POU6F2: variants seen among roughly 807,000 people sequenced by gnomAD.
The protein encoded by POU6F2 is POU domain, class 6, transcription factor 2.
POU6F2 carries 31 observed loss-of-function variants against 71.3 expected under a neutral mutation model. The observed-to-expected ratio is 0.43, with a 90% CI of 0.33 to 0.59. The LOEUF (loss-of-function observed/expected upper bound fraction) is 0.59. POU6F2 is among the 20% of genes least tolerant of loss of function. The pLI, the probability that POU6F2 is intolerant of heterozygous loss-of-function variation, is 0.04. For missense variants in POU6F2, 783 were observed against 856.8 expected, an observed-to-expected ratio of 0.91 and a Z score of 1.07; for synonymous variants, 347 against 355.7, an observed-to-expected ratio of 0.98 and a Z score of 0.27.
chr7:39,299,328 T>C (rs1014779801), intron 4 of POU6F2, among the ~76,000 whole-genome samples: 2 of 152,216 alleles, frequency 1.3e-5, no homozygotes, highest in Non-Finnish European at 2.9e-5. Flanking sequence ...CAGACAGTCT[T>C]ATCTGTTGAC....
intron 4 of POU6F2, among the ~76,000 whole-genome samples, chr7:39,247,852 C>T (rs1279412104): frequency 6.6e-6 from 1 of 152,154 alleles, no homozygotes; most frequent in African/African-American, 2.4e-5. Flanking sequence ...AGGTAGGACC[C>T]CTGTCAGAGC....
chr7:39,280,855 C>T (rs1267539740), intron 4 of POU6F2, among the ~76,000 whole-genome samples: 2 of 152,192 alleles, frequency 1.3e-5, no homozygotes, highest in Non-Finnish European at 2.9e-5. Context: ...ATCATCAGAT[C>T]CTATATTTGC....
intron 1 of POU6F2, among the ~76,000 whole-genome samples, chr7:39,031,189 G>A (rs958720653): frequency 2.0e-5 from 3 of 151,862 alleles, no homozygotes; most frequent in Admixed American, 6.5e-5. Flanking sequence ...GTGAGCCACC[G>A]CGCCTGGCCA....
chr7:39,371,583 C>A (rs1436342221), intron 5 of POU6F2, among the ~76,000 whole-genome samples: 1 of 152,168 alleles, frequency 6.6e-6, no homozygotes, highest in Non-Finnish European at 1.5e-5. Flanking sequence ...CAGTCACTGG[C>A]TATTGATCAA....
At chr7:39,043,486 A>G (rs1450533144) in intron 1 of POU6F2, among the ~76,000 whole-genome samples, 1 of 152,004 alleles carries the variant, frequency 6.6e-6, no homozygotes, top group Non-Finnish European at 1.5e-5. Flanking sequence ...GTGCTGTTGC[A>G]GTAATGGGGC....
chr7:39,056,837 G>A (rs1373539631), intron 1 of POU6F2, among the ~76,000 whole-genome samples: 1 of 151,942 alleles, frequency 6.6e-6, no homozygotes, highest in Non-Finnish European at 1.5e-5. Flanking sequence ...GCACTTCCAG[G>A]TTGCTCACAA....
chr7:39,466,543 G>A lies in POU6F2; in HGVS notation c.*1857G>A, dbSNP rs1481589371. ...TAGAAGTAAGTTGTGAAAGAAAAAA[G>A]AGAAACCCAATCTCAAGTTGCCCAA... On this transcript the variant is annotated 3_prime_UTR_variant, in exon 10 of 10. Coordinates refer to ENST00000518318, the MANE Select transcript of POU6F2 (RefSeq NM_001370959.1). 6.6e-6 allele frequency: 1 copy of A among 152,216 alleles called. No homozygotes were observed. Among genetic ancestry groups the A allele is most frequent in the South Asian group, 2.1e-4 (1 of 4,834 alleles). 9.4% of individuals were successfully genotyped at this position (152,216 alleles called of 1,614,324 possible).
intron 2 of POU6F2, among the ~76,000 whole-genome samples, chr7:39,171,855 C>T (rs1793224237): frequency 1.3e-5 from 2 of 152,214 alleles, no homozygotes; most frequent in African/African-American, 2.4e-5. Context: ...AGAGAGACTT[C>T]TGTATATTTA....
chr7:39,123,531 T>C (rs1333539584), intron 2 of POU6F2, among the ~76,000 whole-genome samples: 1 of 152,240 alleles, frequency 6.6e-6, no homozygotes, highest in Non-Finnish European at 1.5e-5. Flanking sequence ...TCAAGCATGA[T>C]TTTCCCAGAT....
chr7:39,425,038 T>G (rs951948850), intron 6 of POU6F2, among the ~76,000 whole-genome samples: 1 of 152,130 alleles, frequency 6.6e-6, no homozygotes, highest in Non-Finnish European at 1.5e-5. Context: ...TTCCCTGAGA[T>G]GTGGACTTTC....
intron 4 of POU6F2, among the ~76,000 whole-genome samples, chr7:39,304,981 A>G (rs1284409858): frequency 6.6e-6 from 1 of 152,268 alleles, no homozygotes; most frequent in African/African-American, 2.4e-5. Flanking sequence ...ACATACCTTC[A>G]GGCTAATGCC....
intron 1 of POU6F2, among the ~76,000 whole-genome samples, chr7:39,079,673 A>G (rs2128719699): frequency 6.6e-6 from 1 of 152,312 alleles, no homozygotes; most frequent in East Asian, 1.9e-4. Context: ...TTTCACAGAA[A>G]TCTTATATAT....
chr7:39,264,923 A>G (rs35967316), intron 4 of POU6F2, among the ~76,000 whole-genome samples: 9,740 of 152,186 alleles, frequency 0.064, 389 homozygotes, highest in South Asian at 0.17. Flanking sequence ...AAAAACTGCA[A>G]ATGTCTACAC....
chr7:39,452,165 G>T (rs373389195), intron 8 of POU6F2, among the ~76,000 whole-genome samples: 2 of 152,132 alleles, frequency 1.3e-5, no homozygotes, highest in African/African-American at 4.8e-5. Flanking sequence ...TGGGCGGGTG[G>T]GTGTGTGTGT....
chr7:39,406,883 G>A, intron 6 of POU6F2, 143 bp downstream of exon 6: 5 of 1,204,298 alleles, frequency 4.2e-6, no homozygotes, highest in South Asian at 2.6e-5. Context: ...TCAAGAATAG[G>A]AGAAGGGTTG....
intron 4 of POU6F2, among the ~76,000 whole-genome samples, chr7:39,275,095 A>G (rs989848521): frequency 6.6e-6 from 1 of 152,022 alleles, no homozygotes; most frequent in African/African-American, 2.4e-5. Context: ...CAATTAGGAA[A>G]ACAGGAAGTC....
chr7:39,183,754 A>C (rs1793479816), intron 2 of POU6F2, among the ~76,000 whole-genome samples: 1 of 152,220 alleles, frequency 6.6e-6, no homozygotes, highest in South Asian at 2.1e-4. Context: ...AGCCCTAATA[A>C]TGCCAAGAGT....
chr7:39,307,345 ATAAG>A (rs892345538), intron 4 of POU6F2, among the ~76,000 whole-genome samples: 3 of 152,340 alleles, frequency 2.0e-5, no homozygotes, highest in African/African-American at 7.2e-5. Flanking sequence ...ATTTTTTAGA[ATAAG>A]AAAAAAATCA....
At chr7:39,018,671 A>C (rs1011758739) in intron 1 of POU6F2, among the ~76,000 whole-genome samples, 2 of 152,152 alleles carry the variant, frequency 1.3e-5, no homozygotes, top group Non-Finnish European at 2.9e-5. Flanking sequence ...ATTGAATCTA[A>C]AAATTTTAAA....
Sources: gnomAD v4.1 joint callset for allele counts (sites outside exome capture counted in the v4.1 genomes callset) on GRCh38, gnomAD v4.1.1 for gene constraint, MANE v1.5 for transcripts, NCBI Gene and HGNC (gene_info 2026-07-23, HGNC 2026-07-21) for gene names.